ACOT7: variants seen among roughly 807,000 people sequenced by gnomAD.
ACOT7 encodes the protein cytosolic acyl coenzyme A thioester hydrolase.
ACOT7 carries 12 observed loss-of-function variants against 40.2 expected under a neutral mutation model. The observed-to-expected ratio is 0.30, with a 90% CI of 0.19 to 0.48. The LOEUF (loss-of-function observed/expected upper bound fraction) is 0.48, where lower values mean the gene tolerates loss of function less well. ACOT7 is among the 20% of genes least tolerant of loss of function. The pLI is 0.99. For missense variants in ACOT7, 395 were observed against 530.8 expected (o/e 0.74, Z 2.51); for synonymous variants, 228 against 219.5 (o/e 1.04, Z -0.34).
intron 1 of ACOT7, among the ~76,000 whole-genome samples, chr1:6,364,932 A>C (rs971932390): frequency 3.3e-5 from 5 of 151,710 alleles, no homozygotes; most frequent in Admixed American, 1.3e-4. Context: ...CTGAGGAAGC[A>C]GAATCGCTTA....
chr1:6,380,575 C>A (rs1642315211), intron 1 of ACOT7, among the ~76,000 whole-genome samples: 1 of 137,738 alleles, frequency 7.3e-6, no homozygotes, highest in Admixed American at 7.3e-5. Flanking sequence ...GGCAACAGAG[C>A]AAGACCGTCT....
chr1:6,372,293 T>C (rs578219260), intron 1 of ACOT7, among the ~76,000 whole-genome samples: 4 of 152,338 alleles, frequency 2.6e-5, no homozygotes, highest in African/African-American at 9.6e-5. Flanking sequence ...TGCTCTGGAT[T>C]AGGCTTTGGC....
rs1271488537 is a variant in ACOT7 at position 6,311,659 on chromosome 1, AC to A, written c.712+6832del. Among the ~76,000 whole-genome samples, 1 of 152,208 alleles carries A rather than the reference AC, an allele frequency of 6.6e-6. No individual in the cohort carries two copies. Among genetic ancestry groups the A allele is most frequent in the Admixed American group, 6.5e-5 (1 of 15,290 alleles). On this transcript the variant is annotated intron_variant, in intron 6 of 8. Coordinates refer to ENST00000361521, the MANE Select transcript of ACOT7 (RefSeq NM_007274.4). The surrounding 1 kb of genome is among the most constrained non-coding windows in gnomAD (Gnocchi z 5.2). ...CTTCTCAAAATAGCTCAAAATGGGT[AC>A]TAGGCTGCTCACTTAAGGGTACCCA... is the stretch of plus-strand genomic sequence containing the variant.
chr1:6,300,342 G>A (rs1485585093), intron 6 of ACOT7, among the ~76,000 whole-genome samples: 1 of 152,114 alleles, frequency 6.6e-6, no homozygotes, highest in Non-Finnish European at 1.5e-5. Flanking sequence ...GGGGAAGCTG[G>A]TGCCAGGCAT....
intron 4 of ACOT7, among the ~76,000 whole-genome samples, chr1:6,331,031 G>T (rs1381243417): frequency 6.6e-6 from 1 of 152,160 alleles, no homozygotes; most frequent in East Asian, 1.9e-4. Context: ...ATTCTGCGGA[G>T]AACAGCCAGG....
rs1418922539 is a variant in ACOT7 at position 6,330,944 on chromosome 1, A to G, written c.510+2533T>C. Among the ~76,000 whole-genome samples the G allele has an allele frequency of 3.9e-5, 6 of 152,338 alleles. No homozygotes were observed. In the East Asian group the frequency reaches 1.2e-3, roughly 29 times the overall value. On this transcript the variant is annotated intron_variant, in intron 4 of 8. Transcript: ENST00000361521. The surrounding 1 kb of genome is among the most constrained non-coding windows in gnomAD (Gnocchi z 4.6). ...TTAAATCCGTTAAATGCTATGTCTCAATATTTACATGTGATGTGGCTCACT... is the reference window on the plus strand; with the variant it reads ...TTAAATCCGTTAAATGCTATGTCTCGATATTTACATGTGATGTGGCTCACT...
Position 6,293,739 on chromosome 1 carries a change from A to G in ACOT7, c.829+1125T>C, listed in dbSNP as rs537287067. On this transcript the variant is annotated intron_variant, in intron 7 of 8. Transcript: ENST00000361521. ...GGATTCTGCAAAGTGGAAGAAAGCA[A>G]CGCCAGAGACCTTCCTTCTCCTTAC... 2.0e-5 allele frequency among the ~76,000 whole-genome samples: 3 copies of G among 152,312 alleles called. No homozygotes were observed. In the South Asian group the frequency reaches 6.2e-4, roughly 32 times the overall value.
chr1:6,349,733 G>A lies in ACOT7; in HGVS notation c.261+16C>T, dbSNP rs371975249. 13 of 1,608,684 alleles carry A rather than the reference G, an allele frequency of 8.1e-6. No individual in the cohort carries two copies. In the African/African-American group the frequency reaches 1.7e-4, roughly 21 times the overall value. On this transcript the variant is annotated intron_variant, in intron 2 of 8. Transcript: ENST00000361521. ...GCGGCCTCCAGGGCCCAGAGGTATG[G>A]GGCCCAGACCCTTACCCCGTTCTGG...
chr1:6,304,085 G>A (rs1044633271), intron 6 of ACOT7, among the ~76,000 whole-genome samples: 11 of 152,150 alleles, frequency 7.2e-5, no homozygotes, highest in Non-Finnish European at 1.3e-4. Flanking sequence ...AGAAGGACAG[G>A]CCAGTGAGAG....
At chr1:6,348,049 C>A (rs957905181) in intron 2 of ACOT7, among the ~76,000 whole-genome samples, 2 of 152,130 alleles carry the variant, frequency 1.3e-5, no homozygotes, top group Admixed American at 6.5e-5. Context: ...GCAACAGGAA[C>A]TTGGGACTTG....
In ACOT7 at chr1:6,350,521, G is replaced by A. The variant is rs561245263; in HGVS notation, c.144-655C>T. Among the ~76,000 whole-genome samples, 7 of 152,352 alleles carry A rather than the reference G, an allele frequency of 4.6e-5. No individual in the cohort carries two copies. The East Asian group carries it at 5.8e-4, about 13-fold the overall frequency. ...AAAGAGGAACAACTTCATCCTTGCCGTGAGCAGCCGGTAGTGTGGGAGCTC... is the reference window on the plus strand; with the variant it reads ...AAAGAGGAACAACTTCATCCTTGCCATGAGCAGCCGGTAGTGTGGGAGCTC... On this transcript the variant is annotated intron_variant, in intron 1 of 8. Transcript: ENST00000361521.
At chr1:6,284,667 C>T (rs1321938101) in intron 7 of ACOT7, among the ~76,000 whole-genome samples, 2 of 151,856 alleles carry the variant, frequency 1.3e-5, no homozygotes, top group Non-Finnish European at 2.9e-5. Flanking sequence ...CACACCAAAT[C>T]CTCTCCGCCT....
At chr1:6,312,093 A>C (rs1230153945) in intron 6 of ACOT7, among the ~76,000 whole-genome samples, 1 of 152,150 alleles carries the variant, frequency 6.6e-6, no homozygotes, top group Non-Finnish European at 1.5e-5. Context: ...GATGGAGAGG[A>C]AGGGCTGGCT....
At chr1:6,325,673 C>A (rs77582427) in intron 5 of ACOT7, among the ~76,000 whole-genome samples, 1 of 152,144 alleles carries the variant, frequency 6.6e-6, no homozygotes, top group Non-Finnish European at 1.5e-5. Context: ...ACCAAATACA[C>A]ACAAACTCCT....
chr1:6,288,093 C>T lies in ACOT7; in HGVS notation c.829+6771G>A, dbSNP rs1300340529. On this transcript the variant is annotated intron_variant, in intron 7 of 8. Coordinates refer to ENST00000361521, the MANE Select transcript of ACOT7 (RefSeq NM_007274.4). The surrounding 1 kb of genome is among the most constrained non-coding windows in gnomAD (Gnocchi z 4.3). ...AACTGAAAAAAAAAAATCCACACAG[C>T]AAGTGACCCCACAGCTCCCATTAGG... Among the ~76,000 whole-genome samples the T allele has an allele frequency of 6.6e-6, 1 of 152,156 alleles. No homozygotes were observed. Among genetic ancestry groups the T allele is most frequent in the Non-Finnish European group, 1.5e-5 (1 of 67,992 alleles).
chr1:6,362,412 C>CAA (rs1315640037), intron 1 of ACOT7, among the ~76,000 whole-genome samples: 1 of 147,982 alleles, frequency 6.8e-6, no homozygotes, highest in Non-Finnish European at 1.5e-5. Context: ...GCCTGTGTGA[C>CAA]AGAGTGAAAC....
intron 1 of ACOT7, among the ~76,000 whole-genome samples, chr1:6,376,554 C>G (rs771345362): frequency 6.6e-6 from 1 of 151,854 alleles, no homozygotes; most frequent in Non-Finnish European, 1.5e-5. Context: ...TGGCAAAATC[C>G]CATCTCTACA....
intron 6 of ACOT7, among the ~76,000 whole-genome samples, chr1:6,303,194 G>A (rs962289941): frequency 3.3e-5 from 5 of 151,980 alleles, no homozygotes; most frequent in African/African-American, 7.3e-5. Flanking sequence ...TGCTGCCAAC[G>A]TTGGAAAATA....
Position 6,330,801 on chromosome 1 carries a change from GT to G in ACOT7, c.510+2675del. 6.6e-6 allele frequency among the ~76,000 whole-genome samples: 1 copy of G among 152,316 alleles called. No homozygotes were observed. The highest frequency in any genetic ancestry group is 6.5e-5 in the Admixed American group (1 of 15,300). On this transcript the variant is annotated intron_variant, in intron 4 of 8. Coordinates refer to ENST00000361521, the MANE Select transcript of ACOT7 (RefSeq NM_007274.4). This position sits in a 1 kb window ranked among gnomAD's most constrained non-coding sequence, Gnocchi z 4.6. ...GATCCTAAGCGACAAGGCAGCAAAA[GT>G]GACTGTGTTCAGGTCCAGGCCCGCC...
Sources: allele counts gnomAD v4.1 joint callset (sites outside exome capture counted in the v4.1 genomes callset), GRCh38; gene constraint gnomAD v4.1.1; non-coding constraint Gnocchi (gnomAD v3.1); transcripts MANE v1.5; gene names NCBI Gene and HGNC (gene_info 2026-07-23, HGNC 2026-07-21).